Variants in DENND4B observed in about 807,000 individuals in gnomAD.
DENND4B encodes DENN domain-containing protein 4B.
In DENND4B, 67 loss-of-function variants were observed where a neutral mutation model predicts 161.0. That is an observed-to-expected ratio of 0.42 (90% confidence interval 0.34 to 0.51). The LOEUF is 0.51. DENND4B is among the 20% of genes least tolerant of loss of function. The pLI is 0.08. For synonymous variants in DENND4B, 753 were observed against 813.8 expected (o/e 0.93, Z 1.27); for missense variants, 1,481 against 1,968.0 (o/e 0.75, Z 4.68).
Position 153,944,020 on chromosome 1 carries a change from C to A in DENND4B, c.317+38G>T. On this transcript the variant is annotated intron_variant, in intron 2 of 27. Transcript: ENST00000361217. This position sits in a 1 kb window ranked among gnomAD's most constrained non-coding sequence, Gnocchi z 4.8. Reference sequence around the variant, plus strand: ...CTCCCTGTCTCACTGGAGTCCCTCCCAGCCTCCCCTGGTGCCAGCATGGGT... The same window carrying A: ...CTCCCTGTCTCACTGGAGTCCCTCCAAGCCTCCCCTGGTGCCAGCATGGGT... 1 of 1,509,778 alleles carries A rather than the reference C, an allele frequency of 6.6e-7. No individual in the cohort carries two copies. Among genetic ancestry groups the A allele is most frequent in the East Asian group, 2.4e-5 (1 of 42,386 alleles). The allele number at this position is 1,509,778 out of a possible 1,614,324, so 93.5% of individuals were successfully genotyped here.
chr1:153,939,755 G>A lies in DENND4B; in HGVS notation c.1653C>T (p.Asp551=), dbSNP rs1406906826. The A allele has an allele frequency of 6.2e-7, 1 of 1,613,926 alleles. No individual in the cohort carries two copies. Residue 551 remains aspartate (D), a synonymous_variant, in exon 12 of 28, where the codon GAC becomes GAT. Transcript: ENST00000361217. ...CCCTGCGGCCACACACTGCCTCGTA[G>A]TCTGTCAGTAGGAACTCCAGGGATG... The part of the protein sequence containing the change: ...EEASLEFLLT[D]YEAVCGRRAR...
At position 153,942,316 on chromosome 1, in the gene DENND4B, G is replaced by T; in HGVS notation, c.681C>A (p.Phe227Leu). The change falls in exon 5 of 28, where the codon TTC becomes TTA. Residue 227 changes from phenylalanine to leucine, a missense_variant. Coordinates refer to ENST00000361217, the MANE Select transcript of DENND4B (RefSeq NM_014856.3). This position sits in a 1 kb window ranked among gnomAD's most constrained non-coding sequence, Gnocchi z 6.9. ...GRYPEEDNEA[F>L]PLPESVPVFC... ...AGACGGGCACTGACTCGGGCAGCGG[G>T]AACGCCTCATTGTCCTCCTCCGGGT... 1 of 1,613,628 alleles carries T rather than the reference G, an allele frequency of 6.2e-7. No homozygotes were observed. The highest frequency in any genetic ancestry group is 8.5e-7 in the Non-Finnish European group (1 of 1,179,790).
chr1:153,934,822 TGC>T lies in DENND4B; in HGVS notation c.2709_2710del (p.Gln904AlafsTer59), dbSNP rs1557849455. 2 of 1,563,638 alleles carry T rather than the reference TGC, an allele frequency of 1.3e-6. No homozygotes were observed. Among genetic ancestry groups the T allele is most frequent in the Admixed American group, 1.8e-5 (1 of 55,368 alleles). On this transcript the variant is annotated frameshift_variant, in exon 18 of 28. Transcript: ENST00000361217. LOFTEE classifies it high-confidence loss of function. This position sits in a 1 kb window ranked among gnomAD's most constrained non-coding sequence, Gnocchi z 5.3. ...CTGCTCCTGCTGCTGCTGCTGCTGCTGCTGCTGTTGCTGCTGCTGCTGCTGTT... is the reference window on the plus strand; with the variant it reads ...CTGCTCCTGCTGCTGCTGCTGCTGCTTGCTGTTGCTGCTGCTGCTGCTGTT...
At chr1:153,931,132 A>C (rs1678899393) in intron 24 of DENND4B, 68 bp from the exon 25 acceptor site, 1 of 1,277,098 alleles carries the variant, frequency 7.8e-7, no homozygotes, top group Non-Finnish European at 1.1e-6. Flanking sequence ...AGAAACGGAC[A>C]GGTGATGCCA....
chr1:153,946,652 G>A lies in DENND4B; in HGVS notation c.-375C>T. 5.2e-6 allele frequency: 2 copies of A among 382,046 alleles called. No homozygotes were observed. The highest frequency in any genetic ancestry group is 7.5e-5 in the East Asian group (2 of 26,628). 23.7% of individuals were successfully genotyped at this position (382,046 alleles called of 1,614,324 possible). On this transcript the variant is annotated 5_prime_UTR_variant, in exon 1 of 28. Coordinates refer to ENST00000361217, the MANE Select transcript of DENND4B (RefSeq NM_014856.3). The surrounding 1 kb of genome is among the most constrained non-coding windows in gnomAD (Gnocchi z 6.3). ...TCTACTCCCCCAACCCCCGCTCCGG[G>A]CCGCGGGCGCCGCCGCTACCCCCAC... is the stretch of plus-strand genomic sequence containing the variant.
intron 24 of DENND4B, among the ~76,000 whole-genome samples, chr1:153,931,407 T>C (rs1572788): frequency 0.27 from 41,022 of 151,938 alleles, 6,104 homozygotes; most frequent in Admixed American, 0.38. Context: ...TATGCCATTT[T>C]ACAGATGACC....
Position 153,934,021 on chromosome 1 carries a change from C to G in DENND4B, c.2941+114G>C, listed in dbSNP as rs1385812901. The G allele has an allele frequency of 1.4e-6, 2 of 1,465,910 alleles. No homozygotes were observed. The highest frequency in any genetic ancestry group is 2.9e-5 in the African/African-American group (2 of 69,772). The allele number at this position is 1,465,910 out of a possible 1,614,324, so 90.8% of individuals were successfully genotyped here. ...CTGGGCGAGATTCCCTCAGAATCTA[C>G]AGCACCCACCACAGAGGGCCGCCCT... is the stretch of plus-strand genomic sequence containing the variant. On this transcript the variant is annotated intron_variant, in intron 19 of 27. Coordinates refer to ENST00000361217, the MANE Select transcript of DENND4B (RefSeq NM_014856.3). The surrounding 1 kb of genome is among the most constrained non-coding windows in gnomAD (Gnocchi z 5.3).
rs755611865 is a variant in DENND4B at position 153,944,352 on chromosome 1, CG to C, written c.22del (p.Arg8GlyfsTer8). ...AGCTACCACGAAGTAATCCACCAGC[CG>C]GGGGGGCCGCTCCTCCGCCATGGCC... is the stretch of plus-strand genomic sequence containing the variant. MAEERPP[R>X]LVDYFVVAGL... On this transcript the variant is annotated frameshift_variant, in exon 2 of 28. Transcript: ENST00000361217. LOFTEE classifies it high-confidence loss of function. This position sits in a 1 kb window ranked among gnomAD's most constrained non-coding sequence, Gnocchi z 4.8. The C allele has an allele frequency of 1.8e-5, 29 of 1,606,514 alleles. No homozygotes were observed. Among genetic ancestry groups the C allele is most frequent in the Admixed American group, 3.4e-5 (2 of 59,216 alleles).
rs1396339112 is a variant in DENND4B at position 153,944,301 on chromosome 1, A to G, written c.74T>C (p.Ile25Thr). The G allele has an allele frequency of 1.2e-6, 2 of 1,606,558 alleles. No homozygotes were observed. Among genetic ancestry groups the G allele is most frequent in the African/African-American group, 2.7e-5 (2 of 74,868 alleles). ...TTCAGGAACCCACGTTTCCTCAGGG[A>G]TGGGTGCTCCGTTCCCTGCAAGCCC... ...VAGLAGNGAP[I>T]PEETWVPEPS... The change falls in exon 2 of 28, where the codon ATC (isoleucine) becomes ACC (threonine). Residue 25 changes from isoleucine to threonine, a missense_variant. Around this residue, in one of 3 missense-constraint regions of DENND4B, gnomAD observed 806 missense variants for 1,134.4 expected, o/e 0.71. Transcript: ENST00000361217. This position sits in a 1 kb window ranked among gnomAD's most constrained non-coding sequence, Gnocchi z 4.8.
chr1:153,940,875 G>A lies in DENND4B; in HGVS notation c.1326+29C>T. 6.5e-7 allele frequency: 1 copy of A among 1,543,846 alleles called. No individual in the cohort carries two copies. The highest frequency in any genetic ancestry group is 8.7e-7 in the Non-Finnish European group (1 of 1,149,182). ...CACCAGAAAGAACCATGGTTCTGGG[G>A]AAGATGGGCCAGGCGGGGCGGCACT... is the stretch of plus-strand genomic sequence containing the variant. On this transcript the variant is annotated intron_variant, in intron 9 of 27. Coordinates refer to ENST00000361217, the MANE Select transcript of DENND4B (RefSeq NM_014856.3). This position sits in a 1 kb window ranked among gnomAD's most constrained non-coding sequence, Gnocchi z 5.6.
Position 153,940,797 on chromosome 1 carries a change from C to A in DENND4B, c.1326+107G>T. 1 of 1,470,020 alleles carries A rather than the reference C, an allele frequency of 6.8e-7. No individual in the cohort carries two copies. 91.1% of individuals were successfully genotyped at this position (1,470,020 alleles called of 1,614,324 possible). ...TGCAGGCTGTGCCCAGGGAAAGGGG[C>A]TGAGGATCCTCCACAAGGAAGGAAA... On this transcript the variant is annotated intron_variant, in intron 9 of 27. Transcript: ENST00000361217. This position sits in a 1 kb window ranked among gnomAD's most constrained non-coding sequence, Gnocchi z 5.6.
rs1256949299 is a variant in DENND4B at position 153,940,023 on chromosome 1, C to T, written c.1603+133G>A. 3 of 882,718 alleles carry T rather than the reference C, an allele frequency of 3.4e-6. No individual in the cohort carries two copies. Among genetic ancestry groups the T allele is most frequent in the Non-Finnish European group, 5.1e-6 (3 of 583,270 alleles). The allele number at this position is 882,718 out of a possible 1,614,324, so 54.7% of individuals were successfully genotyped here. A position where few individuals can be genotyped will look rare whatever the true frequency, so the allele number is the denominator to read the frequency against. On this transcript the variant is annotated intron_variant, in intron 11 of 27. Coordinates refer to ENST00000361217, the MANE Select transcript of DENND4B (RefSeq NM_014856.3). The surrounding 1 kb of genome is among the most constrained non-coding windows in gnomAD (Gnocchi z 5.6). ...AGCTTCAGTTGGAATTGGAATCTCCCTCAGTTCCACCAAATGCAATCCTAA... is the reference window on the plus strand; with the variant it reads ...AGCTTCAGTTGGAATTGGAATCTCCTTCAGTTCCACCAAATGCAATCCTAA...
chr1:153,945,813 G>A (rs1477581018), intron 1 of DENND4B, among the ~76,000 whole-genome samples: 1 of 152,216 alleles, frequency 6.6e-6, no homozygotes, highest in Non-Finnish European at 1.5e-5. Flanking sequence ...TGCGCACCGG[G>A]GCCTCCCCTC....
chr1:153,944,855 G>C lies in DENND4B; in HGVS notation c.-23-458C>G, dbSNP rs1341044532. 6.6e-6 allele frequency among the ~76,000 whole-genome samples: 1 copy of C among 152,118 alleles called. No homozygotes were observed. The highest frequency in any genetic ancestry group is 2.4e-5 in the African/African-American group (1 of 41,410). On this transcript the variant is annotated intron_variant, in intron 1 of 27. Transcript: ENST00000361217. This position sits in a 1 kb window ranked among gnomAD's most constrained non-coding sequence, Gnocchi z 4.8. ...ATAAGAACCTTGTGATCCTGCCAAT[G>C]TTCTTAAAGAGCCCACTCCTAGGTT...
chr1:153,934,883 C>T lies in DENND4B; in HGVS notation c.2650G>A (p.Ala884Thr). ...CTCAAGGGCTGGCGGAACTGAGCAG[C>T]CCCCAGGACAACATTCCGGAGCTTG... ...WAKLRNVVLG[A>T]AQFRQPLRER... The change falls in exon 18 of 28, where the codon GCT becomes ACT. Residue 884 changes from alanine (A) to threonine (T), a missense_variant. Physicochemically the swap from Ala to Thr is moderately conservative, Grantham distance 58. Coordinates refer to ENST00000361217, the MANE Select transcript of DENND4B (RefSeq NM_014856.3). This position sits in a 1 kb window ranked among gnomAD's most constrained non-coding sequence, Gnocchi z 5.3. 6.2e-7 allele frequency: 1 copy of T among 1,613,592 alleles called. No homozygotes were observed. Among genetic ancestry groups the T allele is most frequent in the Non-Finnish European group, 8.5e-7 (1 of 1,179,896 alleles).
chr1:153,940,780 G>A lies in DENND4B; in HGVS notation c.1326+124C>T. 6.9e-7 allele frequency: 1 copy of A among 1,452,762 alleles called. No individual in the cohort carries two copies. The highest frequency in any genetic ancestry group is 9.1e-7 in the Non-Finnish European group (1 of 1,094,906). The allele number at this position is 1,452,762 out of a possible 1,614,324, so 90.0% of individuals were successfully genotyped here. On this transcript the variant is annotated intron_variant, in intron 9 of 27. Transcript: ENST00000361217. This position sits in a 1 kb window ranked among gnomAD's most constrained non-coding sequence, Gnocchi z 5.6. Reference sequence around the variant, plus strand: ...TGGAAGCTATGTGTTCCTGCAGGCTGTGCCCAGGGAAAGGGGCTGAGGATC... The same window carrying A: ...TGGAAGCTATGTGTTCCTGCAGGCTATGCCCAGGGAAAGGGGCTGAGGATC...
In DENND4B at chr1:153,934,384, C is replaced by T. The variant is rs1679192167; in HGVS notation, c.2774-82G>A. The T allele has an allele frequency of 1.6e-5, 23 of 1,453,598 alleles. No individual in the cohort carries two copies. Among genetic ancestry groups the T allele is most frequent in the Non-Finnish European group, 2.1e-5 (23 of 1,085,468 alleles). 90.0% of individuals were successfully genotyped at this position (1,453,598 alleles called of 1,614,324 possible). On this transcript the variant is annotated intron_variant, in intron 18 of 27. Coordinates refer to ENST00000361217, the MANE Select transcript of DENND4B (RefSeq NM_014856.3). The surrounding 1 kb of genome is among the most constrained non-coding windows in gnomAD (Gnocchi z 5.3). ...CCAAAATAGAGCTCCTTAGATGGAC[C>T]AGGGTTTGCAGGGTTCCTCCCAGGC...
Position 153,944,246 on chromosome 1 carries a change from T to C in DENND4B, c.129A>G (p.Pro43=), listed in dbSNP as rs200382412. 6.2e-7 allele frequency: 1 copy of C among 1,602,522 alleles called. No individual in the cohort carries two copies. The highest frequency in any genetic ancestry group is 1.3e-5 in the African/African-American group (1 of 74,786). The change falls in exon 2 of 28, where the codon CCA becomes CCG. Residue 43 remains proline (P), a synonymous_variant. Coordinates refer to ENST00000361217, the MANE Select transcript of DENND4B (RefSeq NM_014856.3). This position sits in a 1 kb window ranked among gnomAD's most constrained non-coding sequence, Gnocchi z 4.8. ...CTGCCACATCTGTGATGGGCTCAGC[T>C]GGCCGGGGAGGGCGCAGGGGCCCAC... ...EPSGPLRPPR[P]AEPITDVAVI...
At chr1:153,935,944 C>T in intron 17 of DENND4B, 116 bp downstream of exon 17, 2 of 1,358,520 alleles carry the variant, frequency 1.5e-6, no homozygotes, top group Non-Finnish European at 2.0e-6. Flanking sequence ...ACAGTGGTTC[C>T]AGGACCTAGG....
Sources: allele counts gnomAD v4.1 joint callset (sites outside exome capture counted in the v4.1 genomes callset), GRCh38; gene constraint gnomAD v4.1.1; regional missense constraint gnomAD v4.1.1; non-coding constraint Gnocchi (gnomAD v3.1); transcripts MANE v1.5; gene names NCBI Gene and HGNC (gene_info 2026-07-23, HGNC 2026-07-21).